The following ZNF207 variants were observed in gnomAD, a reference collection of about 807,000 sequenced individuals.
ZNF207 encodes the protein BUB3-interacting and GLEBS motif-containing protein ZNF207.
A neutral mutation model predicts 60.2 loss-of-function variants in ZNF207; 24 were observed. The observed-to-expected ratio is 0.40, with a 90% CI of 0.29 to 0.56. The LOEUF is 0.56. Ranked by LOEUF, ZNF207 falls within the 20% of genes least tolerant of loss-of-function variation. ZNF207 has a pLI of 0.49. For synonymous variants in ZNF207, 236 were observed against 194.7 expected (o/e 1.21, Z -1.77); for missense variants, 452 against 636.6 (o/e 0.71, Z 3.12).
At chr17:32,357,116 A>G (rs1904549655) in intron 2 of ZNF207, among the ~76,000 whole-genome samples, 1 of 151,464 alleles carries the variant, frequency 6.6e-6, no homozygotes, top group African/African-American at 2.4e-5. Flanking sequence ...TGGGAGGCGG[A>G]GGTTGCAGTG....
Position 32,351,782 on chromosome 17 carries a change from T to A in ZNF207, c.42-4T>A. 1 of 1,609,052 alleles carries A rather than the reference T, an allele frequency of 6.2e-7. No homozygotes were observed. Among genetic ancestry groups the A allele is most frequent in the Non-Finnish European group, 8.5e-7 (1 of 1,177,184 alleles). On this transcript the variant is annotated splice_polypyrimidine_tract_variant and splice_region_variant and intron_variant, in intron 1 of 11. Coordinates refer to ENST00000394670, the MANE Select transcript of ZNF207 (RefSeq NM_001098507.2). ...TGTCTTTGTGCCTTAACAGTATTGA[T>A]CAGGTATTGTAATAGAGATTTTGAT...
At chr17:32,365,592 T>C in intron 8 of ZNF207, 105 bp downstream of exon 8, 1 of 1,024,462 alleles carries the variant, frequency 9.8e-7, no homozygotes, top group African/African-American at 1.7e-5. Flanking sequence ...TTGTTTATAA[T>C]ATTTTTAATA....
intron 9 of ZNF207, among the ~76,000 whole-genome samples, chr17:32,367,151 T>G (rs901136134): frequency 5.4e-5 from 8 of 149,500 alleles, no homozygotes; most frequent in Non-Finnish European, 3.0e-5. Flanking sequence ...AACATATTTG[T>G]TACTGATAAC....
rs1014728617 is a variant in ZNF207 at position 32,377,660 on chromosome 17, G to A, written c.*7901G>A. On this transcript the variant is annotated 3_prime_UTR_variant, in exon 12 of 12. Transcript: ENST00000394670. The stretch of plus-strand genomic sequence containing the variant: ...AAGATATATGCCCATCCCCTTTTTA[G>A]AGTAATCAAAATTTCTATCACAGTT... The A allele has an allele frequency of 4.0e-5, 6 of 151,590 alleles. No homozygotes were observed. The highest frequency in any genetic ancestry group is 1.5e-4 in the African/African-American group (6 of 41,346). 9.4% of individuals were successfully genotyped at this position (151,590 alleles called of 1,614,324 possible).
Position 32,360,592 on chromosome 17 carries a change from TAACA to T in ZNF207, c.308-5_308-2del. ...CTCTATGGAAATAATTTTTTTTTTT[TAACA>T]GAAAGTCAAAAAAAGAAGCAACAAG... On this transcript the variant is annotated splice_acceptor_variant and splice_polypyrimidine_tract_variant and intron_variant, in intron 3 of 11. Coordinates refer to ENST00000394670, the MANE Select transcript of ZNF207 (RefSeq NM_001098507.2). LOFTEE classifies it high-confidence loss of function. 6.3e-7 allele frequency: 1 copy of T among 1,584,156 alleles called. No individual in the cohort carries two copies. Among genetic ancestry groups the T allele is most frequent in the Middle Eastern group, 1.7e-4 (1 of 5,912 alleles).
At chr17:32,354,275 C>T (rs150639821) in intron 2 of ZNF207, among the ~76,000 whole-genome samples, 16 of 151,778 alleles carry the variant, frequency 1.1e-4, no homozygotes, top group East Asian at 7.8e-4. Context: ...CCACTGAGCC[C>T]GGCCATTTTC....
chr17:32,365,050 C>T (rs1905098242), intron 7 of ZNF207, among the ~76,000 whole-genome samples: 1 of 152,156 alleles, frequency 6.6e-6, no homozygotes, highest in South Asian at 2.1e-4. Flanking sequence ...TTATATATTG[C>T]AAGAAGTTTG....
chr17:32,351,910 C>T lies in ZNF207; in HGVS notation c.166C>T (p.Gln56Ter), dbSNP rs774907288. The T allele has an allele frequency of 1.3e-6, 2 of 1,548,918 alleles. No homozygotes were observed. Among genetic ancestry groups the T allele is most frequent in the Middle Eastern group, 1.7e-4 (1 of 5,772 alleles). ...TGPGLAIHCM[Q>*]VHKETIDAVP... Reference sequence around the variant, plus strand: ...ACCTGGCTTAGCTATTCATTGCATGCAGGTAAGGATTTTTCTTCTGTATTT... The same window carrying T: ...ACCTGGCTTAGCTATTCATTGCATGTAGGTAAGGATTTTTCTTCTGTATTT... Residue 56 changes from glutamine to a stop codon, truncating the protein, a stop_gained and splice_region_variant, in exon 2 of 12, where the codon CAG (glutamine) becomes TAG (stop). Transcript: ENST00000394670. LOFTEE classifies it high-confidence loss of function.
chr17:32,363,019 ACAGGCTTT>A, intron 7 of ZNF207, 35 bp downstream of exon 7: 2 of 1,581,358 alleles, frequency 1.3e-6, no homozygotes, highest in Non-Finnish European at 1.7e-6. Flanking sequence ...AATATGATGT[ACAGGCTTT>A]ATTTCTAAGT....
At chr17:32,360,178 C>CA (rs1447751387) in intron 3 of ZNF207, among the ~76,000 whole-genome samples, 8 of 100,178 alleles carry the variant, frequency 8.0e-5, no homozygotes, top group Non-Finnish European at 1.5e-4. Context: ...TCACCTTTAC[C>CA]CCCCCCCCAA....
chr17:32,351,997 C>T (rs1289871904), intron 2 of ZNF207, 85 bp downstream of exon 2: 14 of 1,364,482 alleles, frequency 1.0e-5, no homozygotes, highest in South Asian at 3.2e-5. Flanking sequence ...TTTTGAGTTT[C>T]GGTCTTGTCG....
chr17:32,377,054 T>C lies in ZNF207; in HGVS notation c.*7295T>C, dbSNP rs1180624047. On this transcript the variant is annotated 3_prime_UTR_variant, in exon 12 of 12. Transcript: ENST00000394670. ...TCTGAGGAACTAACAGTGAAATTCA[T>C]TGATGGCCAACTTGGATAAAAATGA... 1.3e-5 allele frequency: 2 copies of C among 152,072 alleles called. No homozygotes were observed. The highest frequency in any genetic ancestry group is 6.6e-5 in the Admixed American group (1 of 15,262). 9.4% of individuals were successfully genotyped at this position (152,072 alleles called of 1,614,324 possible). A position where few individuals can be genotyped will look rare whatever the true frequency, so the allele number is the denominator to read the frequency against.
At chr17:32,360,035 A>T (rs969418984) in intron 3 of ZNF207, among the ~76,000 whole-genome samples, 5 of 152,140 alleles carry the variant, frequency 3.3e-5, no homozygotes, top group African/African-American at 1.2e-4. Context: ...CCATTTTCTT[A>T]TATTATTATT....
rs561226887 is a variant in ZNF207 at position 32,372,634 on chromosome 17, G to A, written c.*2875G>A. On this transcript the variant is annotated 3_prime_UTR_variant, in exon 12 of 12. Transcript: ENST00000394670. ...GTTTGTAGCTATAGGCTCAGAGGTG[G>A]TGTACCCATTTAATATATTTGAAGT... 2.6e-5 allele frequency: 4 copies of A among 152,260 alleles called. No homozygotes were observed. Among genetic ancestry groups the A allele is most frequent in the African/African-American group, 9.6e-5 (4 of 41,542 alleles). 9.4% of individuals were successfully genotyped at this position (152,260 alleles called of 1,614,324 possible).
At position 32,371,398 on chromosome 17, in the gene ZNF207, G is replaced by C. The variant is rs1251160245; in HGVS notation, c.*1639G>C. The C allele has an allele frequency of 6.6e-6, 1 of 152,126 alleles. No homozygotes were observed. The highest frequency in any genetic ancestry group is 1.5e-5 in the Non-Finnish European group (1 of 68,032). 9.4% of individuals were successfully genotyped at this position (152,126 alleles called of 1,614,324 possible). A position where few individuals can be genotyped will look rare whatever the true frequency, so the allele number is the denominator to read the frequency against. On this transcript the variant is annotated 3_prime_UTR_variant, in exon 12 of 12. Coordinates refer to ENST00000394670, the MANE Select transcript of ZNF207 (RefSeq NM_001098507.2). ...CAAAAGAGTTCGTATTTATGTGACA[G>C]ATGAAAGTCATACCTTTAAGCAAAA...
At position 32,350,161 on chromosome 17, in the gene ZNF207, G is replaced by C. The variant is rs746251158; in HGVS notation, c.-125G>C. 6.7e-7 allele frequency: 1 copy of C among 1,495,968 alleles called. No homozygotes were observed. Among genetic ancestry groups the C allele is most frequent in the Non-Finnish European group, 9.3e-7 (1 of 1,079,452 alleles). 92.7% of individuals were successfully genotyped at this position (1,495,968 alleles called of 1,614,324 possible). ...GGCGGAGCGGGGAACGAGGCCGTCG[G>C]CCATTTTGTGTCTGCTTCCTGTGGG... On this transcript the variant is annotated 5_prime_UTR_variant, in exon 1 of 12. Coordinates refer to ENST00000394670, the MANE Select transcript of ZNF207 (RefSeq NM_001098507.2).
chr17:32,357,181 T>TAAA (rs78618463), intron 2 of ZNF207, among the ~76,000 whole-genome samples: 3 of 141,658 alleles, frequency 2.1e-5, no homozygotes, highest in South Asian at 2.2e-4. Context: ...GACCCTGTCT[T>TAAA]AAAAAAAAAA....
chr17:32,358,427 T>C, intron 2 of ZNF207, 76 bp from the exon 3 acceptor site: 4 of 1,407,568 alleles, frequency 2.8e-6, no homozygotes, highest in Non-Finnish European at 2.8e-6. Flanking sequence ...ATTTATTCTT[T>C]ATACTAAGCA....
chr17:32,351,739 G>T, intron 1 of ZNF207, 47 bp from the exon 2 acceptor site: 1 of 1,609,570 alleles, frequency 6.2e-7, no homozygotes, highest in South Asian at 1.1e-5. Context: ...TTTATTATAG[G>T]CAGTGTCATC....
Sources: gnomAD v4.1 joint callset for allele counts (sites outside exome capture counted in the v4.1 genomes callset) on GRCh38, gnomAD v4.1.1 for gene constraint, MANE v1.5 for transcripts, NCBI Gene and HGNC (gene_info 2026-07-23, HGNC 2026-07-21) for gene names.